RNF144A: variants seen among roughly 807,000 people sequenced by gnomAD.
RNF144A encodes E3 ubiquitin-protein ligase RNF144A.
In RNF144A, 11 loss-of-function variants were observed where a neutral mutation model predicts 38.7. That is an observed-to-expected ratio of 0.28 (90% CI 0.18 to 0.47). RNF144A has a LOEUF of 0.47. Ranked by LOEUF, RNF144A falls within the 20% of genes least tolerant of loss-of-function variation. The probability of loss-of-function intolerance (pLI) is 0.99; values close to 1 mark genes in which losing one functional copy is unlikely to be tolerated. For synonymous variants in RNF144A, 149 were observed against 143.9 expected (o/e 1.04, Z -0.25); for missense variants, 316 against 377.2 (o/e 0.84, Z 1.34).
Position 6,988,625 on chromosome 2 carries a change from G to A in RNF144A, c.-11-8291G>A, listed in dbSNP as rs74378441. On this transcript the variant is annotated intron_variant, in intron 2 of 8. Coordinates refer to ENST00000320892, the MANE Select transcript of RNF144A (RefSeq NM_014746.6). ...TGTGGTCACCGTCAACACCATCCATGTGTACAGTCACCCCGATGCCGTCGG... is the reference window on the plus strand; with the variant it reads ...TGTGGTCACCGTCAACACCATCCATATGTACAGTCACCCCGATGCCGTCGG... Among the ~76,000 whole-genome samples the A allele has an allele frequency of 9.7e-4, 147 of 152,298 alleles. 1 individual carries two copies. In the East Asian group the frequency reaches 0.016, roughly 17 times the overall value.
intron 3 of RNF144A, among the ~76,000 whole-genome samples, chr2:7,009,329 T>TAG (rs1440356790): frequency 2.0e-5 from 3 of 152,174 alleles, no homozygotes; most frequent in Non-Finnish European, 4.4e-5. Context: ...AGGGACTTAG[T>TAG]CTTAGATAGC....
intron 2 of RNF144A, among the ~76,000 whole-genome samples, chr2:6,957,991 G>A (rs1667115521): frequency 6.6e-6 from 1 of 152,170 alleles, no homozygotes. Flanking sequence ...TCTTGGATTT[G>A]CCCAGTTAGG....
At chr2:6,940,078 T>G (rs558012073) in intron 1 of RNF144A, among the ~76,000 whole-genome samples, 2 of 152,154 alleles carry the variant, frequency 1.3e-5, no homozygotes, top group Admixed American at 6.5e-5. Flanking sequence ...AGCTTGTCAA[T>G]TTTTATTGAA....
intron 1 of RNF144A, among the ~76,000 whole-genome samples, chr2:6,936,059 C>T (rs377499655): frequency 9.9e-5 from 15 of 152,280 alleles, no homozygotes; most frequent in Admixed American, 7.2e-4. Flanking sequence ...TTGGGCGGCT[C>T]GGCCTATGGA....
At chr2:7,000,801 A>G (rs1332535696) in intron 3 of RNF144A, among the ~76,000 whole-genome samples, 1 of 151,748 alleles carries the variant, frequency 6.6e-6, no homozygotes, top group African/African-American at 2.4e-5. Flanking sequence ...AATGATGACA[A>G]GATTGAATAA....
At chr2:6,985,456 T>A (rs1668892170) in intron 2 of RNF144A, among the ~76,000 whole-genome samples, 1 of 152,116 alleles carries the variant, frequency 6.6e-6, no homozygotes, top group African/African-American at 2.4e-5. Context: ...TCTGGTTTGC[T>A]CAATAACTGA....
intron 6 of RNF144A, among the ~76,000 whole-genome samples, chr2:7,051,373 A>G (rs1294304100): frequency 6.6e-6 from 1 of 152,104 alleles, no homozygotes; most frequent in African/African-American, 2.4e-5. Context: ...GAGGGGATGC[A>G]CTTTTTAAGG....
At chr2:6,967,981 C>T (rs577468246) in intron 2 of RNF144A, among the ~76,000 whole-genome samples, 1 of 152,092 alleles carries the variant, frequency 6.6e-6, no homozygotes, top group South Asian at 2.1e-4. Flanking sequence ...TGTTTTTTTT[C>T]AGAAACGGGT....
In RNF144A at chr2:6,960,475, A is replaced by G. The variant is rs149924183; in HGVS notation, c.-12+19328A>G. Reference sequence around the variant, plus strand: ...TGGATGATACTCTTTTAAAAAGGCAATGAGAGTGGCCAAGGTTGTGTTCTG... The same window carrying G: ...TGGATGATACTCTTTTAAAAAGGCAGTGAGAGTGGCCAAGGTTGTGTTCTG... On this transcript the variant is annotated intron_variant, in intron 2 of 8. Transcript: ENST00000320892. Among the ~76,000 whole-genome samples the G allele has an allele frequency of 3.9e-3, 596 of 152,306 alleles. 3 individuals are homozygous for G. Among genetic ancestry groups the G allele is most frequent in the African/African-American group, 0.013 (554 of 41,570 alleles).
chr2:7,063,248 A>G (rs537994286), intron 6 of RNF144A, among the ~76,000 whole-genome samples: 4 of 152,390 alleles, frequency 2.6e-5, no homozygotes, highest in East Asian at 3.9e-4. Context: ...AGATGCTTAC[A>G]GAATAGACTT....
At chr2:6,995,764 C>G (rs142216328) in intron 2 of RNF144A, among the ~76,000 whole-genome samples, 2 of 152,314 alleles carry the variant, frequency 1.3e-5, no homozygotes, top group African/African-American at 4.8e-5. Context: ...TCGGCCTCTC[C>G]CAGTCCACTG....
chr2:6,986,851 G>T (rs577037535), intron 2 of RNF144A, among the ~76,000 whole-genome samples: 2 of 152,104 alleles, frequency 1.3e-5, no homozygotes, highest in Admixed American at 1.3e-4. Flanking sequence ...AGCTCAGAAT[G>T]AGGGAATTAT....
Position 7,039,783 on chromosome 2 carries a change from A to T in RNF144A, c.*23A>T. The T allele has an allele frequency of 6.2e-7, 1 of 1,609,782 alleles. No homozygotes were observed. Among genetic ancestry groups the T allele is most frequent in the Non-Finnish European group, 8.5e-7 (1 of 1,178,138 alleles). On this transcript the variant is annotated 3_prime_UTR_variant, in exon 9 of 9. Transcript: ENST00000320892. ...TAGAGGAAGCGCGATGCTGGAACACATCCCTGCCTCCGGGAAGTGTGGCTC... is the reference window on the plus strand; with the variant it reads ...TAGAGGAAGCGCGATGCTGGAACACTTCCCTGCCTCCGGGAAGTGTGGCTC...
At chr2:6,920,756 G>C (rs1664491654) in intron 1 of RNF144A, among the ~76,000 whole-genome samples, 1 of 152,204 alleles carries the variant, frequency 6.6e-6, no homozygotes, top group African/African-American at 2.4e-5. Context: ...TTTCTCCGTT[G>C]TTTCTGCATT....
chr2:7,023,087 CT>C (rs1364692933), intron 6 of RNF144A, among the ~76,000 whole-genome samples: 1 of 152,194 alleles, frequency 6.6e-6, no homozygotes, highest in Admixed American at 6.5e-5. Flanking sequence ...CCTTATTCAT[CT>C]GGTTTGCAGA....
Position 6,929,309 on chromosome 2 carries a change from T to TTCCCAGCTC in RNF144A, c.-211-11635_-211-11627dup, listed in dbSNP as rs1458205411. Among the ~76,000 whole-genome samples, 7 of 152,258 alleles carry TTCCCAGCTC rather than the reference T, an allele frequency of 4.6e-5. No individual in the cohort carries two copies. In the East Asian group the frequency reaches 1.4e-3, roughly 29 times the overall value. The stretch of plus-strand genomic sequence containing the variant: ...TGCCCTCGCCACCATATTTTATCTC[T>TTCCCAGCTC]TCCCAGCTCTCCTTGACAGTGGAGT... On this transcript the variant is annotated intron_variant, in intron 1 of 8. Transcript: ENST00000320892.
chr2:6,963,634 A>G (rs1218965758), intron 2 of RNF144A, among the ~76,000 whole-genome samples: 1 of 152,200 alleles, frequency 6.6e-6, no homozygotes, highest in East Asian at 1.9e-4. Flanking sequence ...AGTTTTAACA[A>G]ATTTCCTTTT....
chr2:7,069,418 A>G (rs952313662), downstream of RNF144A, among the ~76,000 whole-genome samples: 8 of 152,336 alleles, frequency 5.3e-5, no homozygotes, highest in Middle Eastern at 3.4e-3. Flanking sequence ...TTCTCATAAC[A>G]TCATTCCAGC....
At chr2:6,922,103 T>C (rs1664574184) in intron 1 of RNF144A, among the ~76,000 whole-genome samples, 1 of 152,088 alleles carries the variant, frequency 6.6e-6, no homozygotes, top group Non-Finnish European at 1.5e-5. Flanking sequence ...GTTCCCTCCA[T>C]TTCCTTTCCT....
Sources: allele counts gnomAD v4.1 joint callset (sites outside exome capture counted in the v4.1 genomes callset), GRCh38; gene constraint gnomAD v4.1.1; transcripts MANE v1.5; gene names NCBI Gene and HGNC (gene_info 2026-07-23, HGNC 2026-07-21).